The following METTL16 variants were observed in gnomAD, a reference collection of about 807,000 sequenced individuals.
METTL16 encodes the protein methyltransferase 16, RNA N6-adenosine, also known as RNA N(6)-adenosine-methyltransferase METTL16.
In METTL16, 19 loss-of-function variants were observed where a neutral mutation model predicts 57.9. That is an observed-to-expected ratio of 0.33 (90% CI 0.23 to 0.48). The LOEUF (loss-of-function observed/expected upper bound fraction) is 0.48. METTL16 is among the 20% of genes least tolerant of loss of function. The pLI is 0.99. For synonymous variants in METTL16, 246 were observed against 255.6 expected (o/e 0.96, Z 0.36); for missense variants, 434 against 691.5 (o/e 0.63, Z 4.18).
intron 2 of METTL16, among the ~76,000 whole-genome samples, chr17:2,500,637 T>C (rs1372516842): frequency 6.6e-6 from 1 of 152,096 alleles, no homozygotes; most frequent in African/African-American, 2.4e-5. Context: ...TTCCTTCCCA[T>C]AGCTGAATCA....
intron 6 of METTL16, among the ~76,000 whole-genome samples, chr17:2,458,129 C>T (rs954397421): frequency 3.9e-5 from 6 of 152,184 alleles, no homozygotes; most frequent in Non-Finnish European, 8.8e-5. Context: ...ATCGTCCTAC[C>T]TCAGCCTCCC....
At chr17:2,428,018 G>A (rs151148969) in intron 8 of METTL16, among the ~76,000 whole-genome samples, 1 of 150,012 alleles carries the variant, frequency 6.7e-6, no homozygotes, top group East Asian at 2.0e-4. Flanking sequence ...GGAAGTGGAA[G>A]AGGGAAGGAG....
chr17:2,468,294 G>A (rs1475465770), intron 4 of METTL16, among the ~76,000 whole-genome samples: 1 of 152,202 alleles, frequency 6.6e-6, no homozygotes, highest in Non-Finnish European at 1.5e-5. Context: ...TTCAGGAGAT[G>A]GAGTTTAATT....
chr17:2,443,294 A>G (rs908297027), intron 6 of METTL16, among the ~76,000 whole-genome samples: 1 of 152,196 alleles, frequency 6.6e-6, no homozygotes, highest in African/African-American at 2.4e-5. Context: ...TAACTTGAAT[A>G]GTTCTCTATC....
At chr17:2,426,055 G>C (rs184544915) in intron 8 of METTL16, among the ~76,000 whole-genome samples, 1,854 of 148,694 alleles carry the variant, frequency 0.012, 26 homozygotes, top group Non-Finnish European at 0.02. Context: ...AAAGCCACAG[G>C]CTGAATGAAA....
chr17:2,510,272 G>T (rs967400587), intron 1 of METTL16, among the ~76,000 whole-genome samples: 1 of 152,142 alleles, frequency 6.6e-6, no homozygotes, highest in African/African-American at 2.4e-5. Flanking sequence ...TCACCACTTT[G>T]AGTATTTTTT....
At chr17:2,437,834 G>A (rs899977789) in intron 8 of METTL16, among the ~76,000 whole-genome samples, 1 of 152,198 alleles carries the variant, frequency 6.6e-6, no homozygotes, top group Admixed American at 6.5e-5. Flanking sequence ...ACAGGCATAA[G>A]CCACCATGCC....
chr17:2,505,308 A>G (rs1242574637), intron 1 of METTL16, among the ~76,000 whole-genome samples: 1 of 151,534 alleles, frequency 6.6e-6, no homozygotes, highest in African/African-American at 2.4e-5. Flanking sequence ...CATATCCAAG[A>G]AATCACCACT....
chr17:2,501,182 C>T (rs1374492443), intron 2 of METTL16, among the ~76,000 whole-genome samples: 2 of 152,082 alleles, frequency 1.3e-5, no homozygotes. Flanking sequence ...AATCTCAGAA[C>T]CTTGGGAGGC....
At chr17:2,471,987 G>A (rs544929961) in intron 4 of METTL16, among the ~76,000 whole-genome samples, 4 of 151,910 alleles carry the variant, frequency 2.6e-5, no homozygotes, top group South Asian at 2.1e-4. Flanking sequence ...GGTGGCAGGC[G>A]CCTGTCATCT....
chr17:2,419,564 G>GCC lies in METTL16; in HGVS notation c.*404_*405dup. ...GGGCCTCCAGCTGGAGGCAGAGAGA[G>GCC]CCACCCCTCCTCAAGAAACACCCTT... On this transcript the variant is annotated 3_prime_UTR_variant, in exon 10 of 10. Transcript: ENST00000263092. 2.2e-6 allele frequency: 1 copy of GCC among 459,924 alleles called. No homozygotes were observed. The highest frequency in any genetic ancestry group is 4.3e-6 in the Non-Finnish European group (1 of 230,278). 28.5% of individuals were successfully genotyped at this position (459,924 alleles called of 1,614,324 possible). A position where few individuals can be genotyped will look rare whatever the true frequency, so the allele number is the denominator to read the frequency against.
At chr17:2,440,578 A>C (rs906210691) in intron 7 of METTL16, among the ~76,000 whole-genome samples, 3 of 144,126 alleles carry the variant, frequency 2.1e-5, no homozygotes, top group Non-Finnish European at 3.0e-5. Flanking sequence ...AACAAAAACA[A>C]AACAGTAGAT....
chr17:2,482,549 A>T (rs1164254991), intron 2 of METTL16, among the ~76,000 whole-genome samples: 1 of 152,242 alleles, frequency 6.6e-6, no homozygotes, highest in Non-Finnish European at 1.5e-5. Context: ...GCTTTTATAC[A>T]CAGGGTCAAA....
Position 2,420,996 on chromosome 17 carries a change from ACTT to A in METTL16, c.889-95_889-93del. ...AATGAACTCAGAGAAAATTTCCACAACTTCTGCTACCAATCATAGAGCACTGAA... is the reference window on the plus strand; with the variant it reads ...AATGAACTCAGAGAAAATTTCCACAACTGCTACCAATCATAGAGCACTGAA... On this transcript the variant is annotated intron_variant, in intron 8 of 9. Coordinates refer to ENST00000263092, the MANE Select transcript of METTL16 (RefSeq NM_024086.4). The surrounding 1 kb of genome is among the most constrained non-coding windows in gnomAD (Gnocchi z 5.4). 1 of 1,364,678 alleles carries A rather than the reference ACTT, an allele frequency of 7.3e-7. No homozygotes were observed. The highest frequency in any genetic ancestry group is 1.0e-6 in the Non-Finnish European group (1 of 985,960). 84.5% of individuals were successfully genotyped at this position (1,364,678 alleles called of 1,614,324 possible).
chr17:2,474,452 G>A (rs1055747826), intron 3 of METTL16, among the ~76,000 whole-genome samples: 4 of 148,378 alleles, frequency 2.7e-5, no homozygotes, highest in South Asian at 2.1e-4. Context: ...GAAGACATGC[G>A]AAAATATTTG....
chr17:2,470,867 T>C (rs2067230405), intron 4 of METTL16, among the ~76,000 whole-genome samples: 4 of 152,180 alleles, frequency 2.6e-5, no homozygotes, highest in Non-Finnish European at 5.9e-5. Context: ...GATAAACTAA[T>C]TGTAAAGTTT....
intron 2 of METTL16, among the ~76,000 whole-genome samples, chr17:2,482,706 A>G (rs1482595940): frequency 1.3e-5 from 2 of 152,260 alleles, no homozygotes; most frequent in Non-Finnish European, 2.9e-5. Flanking sequence ...CAGGAGCTTG[A>G]GACCAGCCTG....
chr17:2,482,097 G>T (rs1304371591), intron 2 of METTL16, among the ~76,000 whole-genome samples: 1 of 152,138 alleles, frequency 6.6e-6, no homozygotes, highest in East Asian at 1.9e-4. Context: ...GAGTATACAG[G>T]AACTCAAGGA....
At chr17:2,483,969 A>C (rs772342503) in intron 2 of METTL16, among the ~76,000 whole-genome samples, 1 of 152,230 alleles carries the variant, frequency 6.6e-6, no homozygotes, top group Non-Finnish European at 1.5e-5. Flanking sequence ...TGACCTATTA[A>C]CTAAATTTCA....
Sources: gnomAD v4.1 joint callset for allele counts (sites outside exome capture counted in the v4.1 genomes callset) on GRCh38, gnomAD v4.1.1 for gene constraint, Gnocchi (gnomAD v3.1) non-coding constraint, MANE v1.5 for transcripts, NCBI Gene and HGNC (gene_info 2026-07-23, HGNC 2026-07-21) for gene names.